The following MCPH1 variants were observed in gnomAD, a reference collection of about 807,000 sequenced individuals.
MCPH1 encodes microcephalin.
A neutral mutation model predicts 84.5 loss-of-function variants in MCPH1; 104 were observed. That is an observed-to-expected ratio of 1.23 (90% CI 1.05 to 1.45). MCPH1 has a LOEUF of 1.45. Among genes scored for constraint, MCPH1 ranks in the 40% most tolerant of loss-of-function variants. MCPH1 has a pLI of 0.00. For synonymous variants in MCPH1, 514 were observed against 366.8 expected, an observed-to-expected ratio of 1.40 and a Z score of -4.58; for missense variants, 1,498 against 1,005.7, an observed-to-expected ratio of 1.49 and a Z score of -6.62.
intron 4 of MCPH1, 92 bp downstream of exon 4, chr8:6,431,678 T>C: frequency 1.2e-6 from 1 of 861,582 alleles, no homozygotes; most frequent in Non-Finnish European, 1.9e-6. Flanking sequence ...TAGAAATATA[T>C]TCAAGAGTTG....
chr8:6,461,873 A>G (rs1191937299), intron 9 of MCPH1, among the ~76,000 whole-genome samples: 2 of 152,344 alleles, frequency 1.3e-5, no homozygotes, highest in East Asian at 3.8e-4. Context: ...ACACGAATGT[A>G]ATTTTTTTTT....
At chr8:6,576,939 C>A (rs926637919) in intron 12 of MCPH1, among the ~76,000 whole-genome samples, 1 of 152,120 alleles carries the variant, frequency 6.6e-6, no homozygotes, top group East Asian at 1.9e-4. Flanking sequence ...ATGGCGCCTC[C>A]TTTGAAATCT....
intron 12 of MCPH1, among the ~76,000 whole-genome samples, chr8:6,614,035 G>C (rs74945057): frequency 0.013 from 1,915 of 152,208 alleles, 42 homozygotes; most frequent in African/African-American, 0.043. Context: ...ACTTCTCCCT[G>C]GTGCCAAAGA....
At chr8:6,457,343 G>A (rs890894320) in intron 9 of MCPH1, among the ~76,000 whole-genome samples, 10 of 151,720 alleles carry the variant, frequency 6.6e-5, no homozygotes, top group South Asian at 4.2e-4. Context: ...CTATAATCCC[G>A]GTACTTTGGG....
chr8:6,519,933 T>A (rs1816995552), intron 12 of MCPH1: 5 of 1,614,124 alleles, frequency 3.1e-6, no homozygotes, highest in Non-Finnish European at 4.2e-6. Context: ...CTGATTTGAA[T>A]ACTTCAGCAC....
intron 3 of MCPH1, among the ~76,000 whole-genome samples, chr8:6,429,470 C>T (rs1801527574): frequency 6.6e-6 from 1 of 152,114 alleles, no homozygotes; most frequent in Non-Finnish European, 1.5e-5. Context: ...TTCTGAGCTC[C>T]AGGTTCTGAG....
chr8:6,557,020 A>AC, intron 12 of MCPH1, among the ~76,000 whole-genome samples: 1 of 152,110 alleles, frequency 6.6e-6, no homozygotes, highest in Admixed American at 6.5e-5. Context: ...CAAACTGGAA[A>AC]CCCCACCTAG....
intron 9 of MCPH1, among the ~76,000 whole-genome samples, chr8:6,471,110 G>C (rs2129558562): frequency 6.6e-6 from 1 of 152,232 alleles, no homozygotes; most frequent in Non-Finnish European, 1.5e-5. Flanking sequence ...ATACTCAGTG[G>C]ATCTTGGACC....
chr8:6,431,680 CAA>C (rs557448195), intron 4 of MCPH1, 94 bp downstream of exon 4: 3 of 832,218 alleles, frequency 3.6e-6, no homozygotes, highest in South Asian at 3.2e-5. Flanking sequence ...GAAATATATT[CAA>C]GAGTTGTCTT....
chr8:6,541,897 A>G (rs776736931), intron 12 of MCPH1, among the ~76,000 whole-genome samples: 3 of 151,814 alleles, frequency 2.0e-5, no homozygotes, highest in Non-Finnish European at 4.4e-5. Context: ...GGTCCTAGCT[A>G]CTCAGGAGGC....
chr8:6,607,133 CT>C (rs1260866047), intron 12 of MCPH1, among the ~76,000 whole-genome samples: 1 of 152,228 alleles, frequency 6.6e-6, no homozygotes, highest in East Asian at 1.9e-4. Context: ...GCCCCTCTCA[CT>C]TTCCCCTCCT....
chr8:6,419,412 C>A (rs1372063899), intron 3 of MCPH1, among the ~76,000 whole-genome samples: 7 of 147,504 alleles, frequency 4.7e-5, no homozygotes, highest in African/African-American at 1.8e-4. Context: ...TTTCTTTTTT[C>A]TTTTTGAGAT....
chr8:6,508,619 C>G, intron 12 of MCPH1: 1 of 483,990 alleles, frequency 2.1e-6, no homozygotes, highest in South Asian at 4.5e-5. Context: ...TGTAATTAAA[C>G]CATCTCTCTA....
At chr8:6,456,324 G>A (rs771398569) in intron 9 of MCPH1, among the ~76,000 whole-genome samples, 1 of 152,160 alleles carries the variant, frequency 6.6e-6, no homozygotes, top group Non-Finnish European at 1.5e-5. Flanking sequence ...TGCAGCCTGC[G>A]GGACCTGCTC....
chr8:6,550,614 G>A (rs1199188323), intron 12 of MCPH1, among the ~76,000 whole-genome samples: 1 of 152,234 alleles, frequency 6.6e-6, no homozygotes, highest in Admixed American at 6.5e-5. Flanking sequence ...GGCGGGCGTT[G>A]GTGGTGAAGT....
At chr8:6,600,754 A>G (rs1350211039) in intron 12 of MCPH1, among the ~76,000 whole-genome samples, 2 of 152,224 alleles carry the variant, frequency 1.3e-5, no homozygotes, top group African/African-American at 4.8e-5. Context: ...CAATGTTTCA[A>G]TAGCTGAGCA....
intron 12 of MCPH1, among the ~76,000 whole-genome samples, chr8:6,610,477 C>G (rs1228153026): frequency 1.3e-5 from 2 of 152,236 alleles, no homozygotes; most frequent in Non-Finnish European, 2.9e-5. Context: ...CTGCTCTTTT[C>G]AGCCTTTCTA....
chr8:6,479,638 T>A (rs995123436), intron 10 of MCPH1, among the ~76,000 whole-genome samples: 8 of 151,952 alleles, frequency 5.3e-5, no homozygotes. Context: ...CGTTTCACCA[T>A]GTTGTTGTAT....
chr8:6,451,675 A>G (rs1401751379), intron 8 of MCPH1, among the ~76,000 whole-genome samples: 1 of 151,966 alleles, frequency 6.6e-6, no homozygotes, highest in Admixed American at 6.5e-5. Context: ...TAACTTGCAT[A>G]TATACCAAAG....
Sources: allele counts gnomAD v4.1 joint callset (sites outside exome capture counted in the v4.1 genomes callset), GRCh38; gene constraint gnomAD v4.1.1; transcripts MANE v1.5; gene names NCBI Gene and HGNC (gene_info 2026-07-23, HGNC 2026-07-21).